Variants in CDH12 observed in about 807,000 individuals in gnomAD.
CDH12 encodes cadherin 12, also known as cadherin-12.
Under a neutral mutation model 74.1 loss-of-function variants are expected in CDH12, and 41 were observed. The ratio of observed to expected loss-of-function variants is 0.55; its 90% confidence interval spans 0.43 to 0.72. The LOEUF (loss-of-function observed/expected upper bound fraction) is 0.72, where lower values mean the gene tolerates loss of function less well. Ranked by LOEUF, CDH12 falls within the 30% of genes least tolerant of loss-of-function variation. CDH12 has a pLI of 0.00. For missense variants in CDH12, 945 were observed against 977.2 expected (o/e 0.97, Z 0.44); for synonymous variants, 399 against 355.0 (o/e 1.12, Z -1.39).
intron 2 of CDH12, among the ~76,000 whole-genome samples, chr5:22,489,216 C>A (rs1272787896): frequency 2.6e-5 from 4 of 151,374 alleles, no homozygotes; most frequent in East Asian, 1.9e-4. Context: ...CACCACCACA[C>A]CTGGCTAATT....
intron 2 of CDH12, among the ~76,000 whole-genome samples, chr5:22,424,930 T>C (rs1010970856): frequency 2.0e-5 from 3 of 151,720 alleles, no homozygotes; most frequent in Non-Finnish European, 4.4e-5. Flanking sequence ...TAAAACTCAT[T>C]TTGAATATAA....
chr5:22,339,302 GT>G (rs1739741627), intron 3 of CDH12, among the ~76,000 whole-genome samples: 1 of 152,146 alleles, frequency 6.6e-6, no homozygotes, highest in Non-Finnish European at 1.5e-5. Flanking sequence ...AGGTTGGACA[GT>G]TTTTTAGTGT....
At chr5:22,484,828 T>C (rs189680138) in intron 2 of CDH12, among the ~76,000 whole-genome samples, 20 of 152,276 alleles carry the variant, frequency 1.3e-4, no homozygotes, top group Non-Finnish European at 1.5e-5. Flanking sequence ...ATTTCTCCTA[T>C]TTTGATTTAT....
At chr5:21,771,699 T>C (rs1177910885) in intron 11 of CDH12, among the ~76,000 whole-genome samples, 4 of 152,134 alleles carry the variant, frequency 2.6e-5, no homozygotes, top group African/African-American at 9.7e-5. Context: ...AAAAAGGTAC[T>C]AGATTCTTAG....
intron 3 of CDH12, among the ~76,000 whole-genome samples, chr5:22,272,808 A>C (rs752990967): frequency 6.6e-6 from 1 of 152,156 alleles, no homozygotes; most frequent in Non-Finnish European, 1.5e-5. Context: ...GTCTGTTTTT[A>C]TGCTGCTATG....
intron 1 of CDH12, among the ~76,000 whole-genome samples, chr5:22,663,623 G>A (rs148043156): frequency 6.6e-6 from 1 of 152,250 alleles, no homozygotes; most frequent in African/African-American, 2.4e-5. Context: ...TGAGCTGAAT[G>A]TAATAATGCT....
chr5:22,271,597 T>G (rs751174539), intron 3 of CDH12, among the ~76,000 whole-genome samples: 1 of 152,168 alleles, frequency 6.6e-6, no homozygotes, highest in Non-Finnish European at 1.5e-5. Context: ...TCACTATCTA[T>G]GAAACTATAG....
chr5:22,702,244 C>A (rs932077132), intron 1 of CDH12, among the ~76,000 whole-genome samples: 1 of 152,058 alleles, frequency 6.6e-6, no homozygotes, highest in Non-Finnish European at 1.5e-5. Context: ...GGAAAGACTC[C>A]CAGCTCCATT....
At chr5:22,758,549 T>C (rs1746049619) in intron 1 of CDH12, among the ~76,000 whole-genome samples, 2 of 151,406 alleles carry the variant, frequency 1.3e-5, no homozygotes, top group Non-Finnish European at 3.0e-5. Context: ...TTTTTTTTTT[T>C]CCTTTTTTGA....
At chr5:22,470,062 A>G (rs893683342) in intron 2 of CDH12, among the ~76,000 whole-genome samples, 26 of 152,226 alleles carry the variant, frequency 1.7e-4, no homozygotes, top group Admixed American at 1.6e-3. Context: ...TGAAAAGTCA[A>G]AGATGAAGAG....
chr5:21,818,667 T>C (rs1481472600), intron 8 of CDH12, among the ~76,000 whole-genome samples: 1 of 151,952 alleles, frequency 6.6e-6, no homozygotes, highest in Non-Finnish European at 1.5e-5. Context: ...AGTTTGTTTA[T>C]TTTACATATA....
chr5:22,108,805 T>C (rs1204714964), intron 4 of CDH12, among the ~76,000 whole-genome samples: 2 of 152,216 alleles, frequency 1.3e-5, no homozygotes, highest in Admixed American at 6.5e-5. Context: ...ATATGTCTTA[T>C]GTCACATTAG....
chr5:22,307,981 C>A (rs191450395), intron 3 of CDH12, among the ~76,000 whole-genome samples: 2 of 139,386 alleles, frequency 1.4e-5, no homozygotes, highest in African/African-American at 5.3e-5. Context: ...CCTGGGTTCA[C>A]GCCATTCTCC....
At chr5:22,499,626 T>C (rs902293582) in intron 2 of CDH12, among the ~76,000 whole-genome samples, 1 of 152,146 alleles carries the variant, frequency 6.6e-6, no homozygotes. Flanking sequence ...AAAAAGATAT[T>C]TGAACTAGAG....
intron 4 of CDH12, among the ~76,000 whole-genome samples, chr5:22,099,969 T>C (rs1041384835): frequency 6.6e-6 from 1 of 152,152 alleles, no homozygotes; most frequent in Non-Finnish European, 1.5e-5. Context: ...AAAATCTTCC[T>C]TCAGTTTAAT....
At chr5:22,411,262 A>G (rs1155138) in intron 2 of CDH12, among the ~76,000 whole-genome samples, 6,540 of 152,076 alleles carry the variant, frequency 0.043, 315 homozygotes, top group East Asian at 0.12. Flanking sequence ...CTATATACCA[A>G]TGGAAAACTA....
rs564925406 is a variant in CDH12, at chr5:22,626,925, T to TAG, written c.-522-121562_-522-121561insCT. Among the ~76,000 whole-genome samples the TAG allele has an allele frequency of 3.6e-3, 550 of 151,906 alleles. 1 individual carries two copies. The highest frequency in any genetic ancestry group is 0.01 in the African/African-American group (423 of 41,460). ...AGAACCAAACTGATGTGAGAGAACT[T>TAG]AAAAAAAACACTGTAAGAATTTCAT... On this transcript the variant is annotated intron_variant, in intron 1 of 14. Transcript: ENST00000382254.
intron 1 of CDH12, among the ~76,000 whole-genome samples, chr5:22,592,818 T>A (rs549371268): frequency 3.3e-5 from 5 of 151,800 alleles, no homozygotes; most frequent in African/African-American, 1.2e-4. Flanking sequence ...TCACCTGAGA[T>A]CAGGTGTTCA....
intron 8 of CDH12, among the ~76,000 whole-genome samples, chr5:21,837,829 T>G (rs776415788): frequency 6.6e-6 from 1 of 152,144 alleles, no homozygotes; most frequent in Non-Finnish European, 1.5e-5. Context: ...GAAAACCTCT[T>G]CTTTCTCCTG....
Sources: allele counts gnomAD v4.1 joint callset (sites outside exome capture counted in the v4.1 genomes callset), GRCh38; gene constraint gnomAD v4.1.1; transcripts MANE v1.5; gene names NCBI Gene and HGNC (gene_info 2026-07-23, HGNC 2026-07-21).